Variants in GPR39 observed in about 807,000 individuals in gnomAD.
GPR39 encodes the protein zinc sensing receptor.
GPR39 carries 23 observed loss-of-function variants against 18.4 expected under a neutral mutation model. That is an observed-to-expected ratio of 1.25 (90% CI 0.90 to 1.77). GPR39 has a LOEUF of 1.77. GPR39 is among the 40% of genes most tolerant of loss of function. The pLI is 0.00. For missense variants in GPR39, 647 were observed against 602.4 expected (o/e 1.07, Z -0.78); for synonymous variants, 280 against 257.9 (o/e 1.09, Z -0.82).
chr2:132,423,996 T>C (rs1680067181), intron 1 of GPR39, among the ~76,000 whole-genome samples: 1 of 152,178 alleles, frequency 6.6e-6, no homozygotes, highest in Admixed American at 6.5e-5. Context: ...TTCTGGTTCA[T>C]CTGAACCAAA....
chr2:132,440,391 T>C (rs1216574866), intron 1 of GPR39, among the ~76,000 whole-genome samples: 1 of 152,214 alleles, frequency 6.6e-6, no homozygotes, highest in Non-Finnish European at 1.5e-5. Flanking sequence ...ACCCTGGAGC[T>C]GGACTGCTGG....
At chr2:132,429,734 G>C (rs1475907549) in intron 1 of GPR39, among the ~76,000 whole-genome samples, 1 of 152,244 alleles carries the variant, frequency 6.6e-6, no homozygotes, top group African/African-American at 2.4e-5. Context: ...CTACATTGGT[G>C]CATTCTGATG....
intron 1 of GPR39, among the ~76,000 whole-genome samples, chr2:132,605,861 T>C (rs1456905225): frequency 1.3e-5 from 2 of 152,094 alleles, no homozygotes; most frequent in African/African-American, 2.4e-5. Context: ...TTGAATTTTG[T>C]TAGAGTTAAA....
At chr2:132,426,719 A>T (rs1680124463) in intron 1 of GPR39, among the ~76,000 whole-genome samples, 1 of 152,218 alleles carries the variant, frequency 6.6e-6, no homozygotes, top group Admixed American at 6.5e-5. Flanking sequence ...TGTAAGAGCC[A>T]TTCTGGCAAG....
intron 1 of GPR39, among the ~76,000 whole-genome samples, chr2:132,625,594 G>A (rs1681528454): frequency 6.6e-6 from 1 of 152,138 alleles, no homozygotes; most frequent in Admixed American, 6.5e-5. Context: ...GGGGGGAAAT[G>A]CCATGTTTTC....
intron 1 of GPR39, among the ~76,000 whole-genome samples, chr2:132,601,020 A>G (rs1409453538): frequency 1.3e-5 from 2 of 152,218 alleles, no homozygotes; most frequent in Non-Finnish European, 2.9e-5. Flanking sequence ...GCTTGTAAGT[A>G]AGAACATGTG....
chr2:132,646,317 A>G lies in GPR39; in HGVS notation c.*711A>G, dbSNP rs757685643. ...ACCCAAAGGAGCTGAGTTAACGTGC[A>G]CCGGCAAAAGAATAGCTGTCCCTCT... is the stretch of plus-strand genomic sequence containing the variant. On this transcript the variant is annotated 3_prime_UTR_variant, in exon 2 of 2. Transcript: ENST00000329321. 3 of 1,369,562 alleles carry G rather than the reference A, an allele frequency of 2.2e-6. No individual in the cohort carries two copies. Among genetic ancestry groups the G allele is most frequent in the Non-Finnish European group, 2.9e-6 (3 of 1,038,592 alleles). The allele number at this position is 1,369,562 out of a possible 1,614,324, so 84.8% of individuals were successfully genotyped here. A position where few individuals can be genotyped will look rare whatever the true frequency, so the allele number is the denominator to read the frequency against.
At chr2:132,538,522 G>C (rs971707885) in intron 1 of GPR39, among the ~76,000 whole-genome samples, 8 of 152,246 alleles carry the variant, frequency 5.3e-5, no homozygotes, top group African/African-American at 1.9e-4. Flanking sequence ...CAGGAGGCAT[G>C]GGGTCAGGAA....
intron 1 of GPR39, chr2:132,418,452 A>G (rs1316263318): frequency 6.5e-6 from 1 of 152,864 alleles, no homozygotes; most frequent in Non-Finnish European, 1.5e-5. Flanking sequence ...CTTCGACCCA[A>G]TCTTAAGACA....
At chr2:132,432,609 A>G (rs762521607) in intron 1 of GPR39, among the ~76,000 whole-genome samples, 1 of 152,092 alleles carries the variant, frequency 6.6e-6, no homozygotes, top group Non-Finnish European at 1.5e-5. Context: ...ATAAAGTGAC[A>G]TTTACTGTAT....
intron 1 of GPR39, among the ~76,000 whole-genome samples, chr2:132,564,762 C>T (rs1329183982): frequency 4.7e-5 from 7 of 149,062 alleles, no homozygotes; most frequent in Non-Finnish European, 1.0e-4. Context: ...GATTTCTCAA[C>T]ACATTGGAAT....
intron 1 of GPR39, among the ~76,000 whole-genome samples, chr2:132,621,241 G>A (rs992030023): frequency 6.6e-6 from 1 of 152,194 alleles, no homozygotes; most frequent in Non-Finnish European, 1.5e-5. Flanking sequence ...AATTGGCTGT[G>A]CTGAAAACGG....
chr2:132,646,224 C>A lies in GPR39; in HGVS notation c.*618C>A. 6.3e-7 allele frequency: 1 copy of A among 1,596,032 alleles called. No individual in the cohort carries two copies. The highest frequency in any genetic ancestry group is 8.6e-7 in the Non-Finnish European group (1 of 1,169,568). On this transcript the variant is annotated 3_prime_UTR_variant, in exon 2 of 2. Transcript: ENST00000329321. ...CCTGGGGAGCAGAAGGACTGGTACC[C>A]GGCAGAGGCGATGAGACAGGCCGCT...
chr2:132,635,274 A>G (rs1681730843), intron 1 of GPR39, among the ~76,000 whole-genome samples: 1 of 152,198 alleles, frequency 6.6e-6, no homozygotes, highest in South Asian at 2.1e-4. Context: ...TTGAGCAGCT[A>G]CTATATAAAC....
chr2:132,493,444 A>G (rs887660424), intron 1 of GPR39, among the ~76,000 whole-genome samples: 1 of 147,320 alleles, frequency 6.8e-6, no homozygotes, highest in Non-Finnish European at 1.5e-5. Context: ...CACACACCAT[A>G]TATATACACA....
chr2:132,561,246 C>T (rs888993034), intron 1 of GPR39, among the ~76,000 whole-genome samples: 1 of 152,062 alleles, frequency 6.6e-6, no homozygotes, highest in African/African-American at 2.4e-5. Context: ...AAACAGATTC[C>T]TTCTTTTCTC....
chr2:132,506,763 G>A (rs779412080), intron 1 of GPR39, among the ~76,000 whole-genome samples: 35 of 152,100 alleles, frequency 2.3e-4, no homozygotes, highest in Non-Finnish European at 4.3e-4. Context: ...CATGACATGC[G>A]AGGATTAGGG....
At chr2:132,443,414 T>C (rs1207314292) in intron 1 of GPR39, among the ~76,000 whole-genome samples, 3 of 152,208 alleles carry the variant, frequency 2.0e-5, no homozygotes, top group Admixed American at 2.0e-4. Flanking sequence ...TGAGTACCCA[T>C]ACAACCATTC....
At chr2:132,487,258 C>T (rs1681359808) in intron 1 of GPR39, among the ~76,000 whole-genome samples, 1 of 152,058 alleles carries the variant, frequency 6.6e-6, no homozygotes, top group Non-Finnish European at 1.5e-5. Flanking sequence ...ATGATAAATG[C>T]AATAAATTTT....
Sources: allele counts gnomAD v4.1 joint callset (sites outside exome capture counted in the v4.1 genomes callset), GRCh38; gene constraint gnomAD v4.1.1; transcripts MANE v1.5; gene names NCBI Gene and HGNC (gene_info 2026-07-23, HGNC 2026-07-21).